KCNH1: variants seen among roughly 807,000 people sequenced by gnomAD.
The protein encoded by KCNH1 is voltage-gated delayed rectifier potassium channel KCNH1.
KCNH1 carries 27 observed loss-of-function variants against 69.2 expected under a neutral mutation model. The observed-to-expected ratio is 0.39, with a 90% CI of 0.29 to 0.54. The LOEUF is 0.54. Among genes scored for constraint, KCNH1 ranks in the 20% least tolerant of loss-of-function variants. The pLI is 0.68. For missense variants in KCNH1, 798 were observed against 1,261.6 expected, an observed-to-expected ratio of 0.63 and a Z score of 5.57; for synonymous variants, 456 against 487.7, an observed-to-expected ratio of 0.93 and a Z score of 0.86.
At chr1:210,796,965 C>T (rs960677056) in intron 9 of KCNH1, among the ~76,000 whole-genome samples, 3 of 152,160 alleles carry the variant, frequency 2.0e-5, no homozygotes, top group Non-Finnish European at 4.4e-5. Context: ...GAGCCTGCCA[C>T]GATCTGCCTA....
chr1:211,019,097 A>C lies in KCNH1; in HGVS notation c.718T>G (p.Ser240Ala). 6.2e-7 allele frequency: 1 copy of C among 1,614,038 alleles called. No individual in the cohort carries two copies. Among genetic ancestry groups the C allele is most frequent in the Non-Finnish European group, 8.5e-7 (1 of 1,179,962 alleles). The change falls in exon 6 of 11, where the codon TCC (serine) becomes GCC (alanine). Residue 240 changes from serine (S) to alanine (A), a missense_variant. By Grantham distance (99) the Ser-to-Ala change is moderately conservative (BLOSUM62 1). This residue lies in a region of KCNH1 where 266 missense variants were observed against 457.2 expected (regional missense o/e 0.58). Coordinates refer to ENST00000271751, the MANE Select transcript of KCNH1 (RefSeq NM_172362.3). The stretch of plus-strand genomic sequence containing the variant: ...ACATTATTCTGCCTGGTTTTGAAGG[A>C]GACATTATAAGGGACCAAGATGGCT... ...YTAILVPYNV[S>A]FKTRQNNVAW...
intron 7 of KCNH1, among the ~76,000 whole-genome samples, chr1:210,812,655 AG>A (rs1684730193): frequency 6.6e-6 from 1 of 152,210 alleles, no homozygotes; most frequent in Non-Finnish European, 1.5e-5. Flanking sequence ...TTGCCTATGC[AG>A]GGTGCAGGAG....
At chr1:211,076,867 G>T (rs140771112) in intron 5 of KCNH1, among the ~76,000 whole-genome samples, 2,483 of 152,310 alleles carry the variant, frequency 0.016, 69 homozygotes, top group African/African-American at 0.056. Context: ...CTTGAAAAAA[G>T]ATTAGATGAA....
At chr1:211,127,308 T>G (rs1342834900) in intron 1 of KCNH1, among the ~76,000 whole-genome samples, 3 of 151,886 alleles carry the variant, frequency 2.0e-5, no homozygotes, top group Non-Finnish European at 1.5e-5. Flanking sequence ...GAAACAAATA[T>G]AAATCATTCA....
At chr1:210,696,578 A>G (rs988556993) in intron 10 of KCNH1, among the ~76,000 whole-genome samples, 1 of 152,152 alleles carries the variant, frequency 6.6e-6, no homozygotes, top group Non-Finnish European at 1.5e-5. Context: ...TTTCTCTCAA[A>G]GAAACTAGTA....
chr1:211,075,399 G>C (rs1339747071), intron 5 of KCNH1, among the ~76,000 whole-genome samples: 1 of 152,186 alleles, frequency 6.6e-6, no homozygotes, highest in Non-Finnish European at 1.5e-5. Flanking sequence ...CATCATGTTG[G>C]TAGTGTCTCC....
intron 10 of KCNH1, among the ~76,000 whole-genome samples, chr1:210,759,556 G>C (rs1481496431): frequency 2.6e-5 from 4 of 151,942 alleles, no homozygotes; most frequent in African/African-American, 9.7e-5. Context: ...AGACCAAGCA[G>C]AAGAAAGTAT....
intron 8 of KCNH1, among the ~76,000 whole-genome samples, chr1:210,798,335 G>A (rs531587623): frequency 3.3e-5 from 5 of 152,082 alleles, no homozygotes; most frequent in Admixed American, 6.6e-5. Context: ...CACCACAACC[G>A]GCCAGGAAGG....
chr1:210,821,309 G>A lies in KCNH1; in HGVS notation c.1463-17143C>T, dbSNP rs370147779. 2.6e-5 allele frequency among the ~76,000 whole-genome samples: 4 copies of A among 152,232 alleles called. No individual in the cohort carries two copies. In the South Asian group the frequency reaches 6.2e-4, roughly 24 times the overall value. On this transcript the variant is annotated intron_variant, in intron 7 of 10. Coordinates refer to ENST00000271751, the MANE Select transcript of KCNH1 (RefSeq NM_172362.3). ...ATCACCATTTAGTCCATAGCAAAGA[G>A]TAATAATAAAAATTAGACCAACTTT...
intron 10 of KCNH1, among the ~76,000 whole-genome samples, chr1:210,699,041 G>T (rs1176317248): frequency 6.6e-6 from 1 of 152,158 alleles, no homozygotes; most frequent in Non-Finnish European, 1.5e-5. Context: ...CTCCAGCTGG[G>T]TCTCTACCTC....
At chr1:211,057,951 C>A (rs1690343943) in intron 5 of KCNH1, among the ~76,000 whole-genome samples, 1 of 151,990 alleles carries the variant, frequency 6.6e-6, no homozygotes, top group South Asian at 2.1e-4. Flanking sequence ...AAGAAAGGAT[C>A]CTAAAAGCAG....
intron 6 of KCNH1, among the ~76,000 whole-genome samples, chr1:210,964,571 A>C (rs1478007435): frequency 6.6e-6 from 1 of 152,228 alleles, no homozygotes; most frequent in African/African-American, 2.4e-5. Context: ...GAATGCCTGA[A>C]TAGACCAATA....
At chr1:210,812,701 G>T (rs1428337638) in intron 7 of KCNH1, among the ~76,000 whole-genome samples, 1 of 152,190 alleles carries the variant, frequency 6.6e-6, no homozygotes, top group Non-Finnish European at 1.5e-5. Flanking sequence ...TTGGCACTGA[G>T]CACTCAAAGT....
At chr1:210,974,509 T>C (rs987082674) in intron 6 of KCNH1, among the ~76,000 whole-genome samples, 3 of 151,932 alleles carry the variant, frequency 2.0e-5, no homozygotes, top group African/African-American at 7.2e-5. Context: ...TCTGGCTTTA[T>C]TATCAGAGTA....
intron 10 of KCNH1, among the ~76,000 whole-genome samples, chr1:210,685,910 C>T (rs1681399261): frequency 6.6e-6 from 1 of 152,214 alleles, no homozygotes; most frequent in Non-Finnish European, 1.5e-5. Context: ...TAGAGGCCCA[C>T]GTCTATGCTC....
intron 5 of KCNH1, among the ~76,000 whole-genome samples, chr1:211,069,227 G>A (rs1690589518): frequency 6.6e-6 from 1 of 151,996 alleles, no homozygotes; most frequent in African/African-American, 2.4e-5. Context: ...CATAGCCCGG[G>A]GCACAGACTC....
chr1:210,910,157 C>T (rs1322741068), intron 7 of KCNH1, among the ~76,000 whole-genome samples: 1 of 144,968 alleles, frequency 6.9e-6, no homozygotes, highest in Non-Finnish European at 1.5e-5. Flanking sequence ...ACATGGTAAA[C>T]AGTCAGAGGT....
intron 5 of KCNH1, among the ~76,000 whole-genome samples, chr1:211,026,456 A>G (rs1689686956): frequency 6.6e-6 from 1 of 151,910 alleles, no homozygotes; most frequent in African/African-American, 2.4e-5. Flanking sequence ...GGGCAGCCTC[A>G]AAAGACAGAA....
chr1:210,966,540 C>G (rs1382228541), intron 6 of KCNH1, among the ~76,000 whole-genome samples: 1 of 151,908 alleles, frequency 6.6e-6, no homozygotes, highest in Non-Finnish European at 1.5e-5. Flanking sequence ...AAGAAAAAGC[C>G]ATCAAAAAGT....
Sources: allele counts gnomAD v4.1 joint callset (sites outside exome capture counted in the v4.1 genomes callset), GRCh38; gene constraint gnomAD v4.1.1; regional missense constraint gnomAD v4.1.1; transcripts MANE v1.5; gene names NCBI Gene and HGNC (gene_info 2026-07-23, HGNC 2026-07-21).